The following LINGO2 variants were observed in gnomAD, a reference collection of about 807,000 sequenced individuals.
LINGO2 encodes the protein leucine rich repeat and Ig domain containing 2.
In LINGO2, 14 loss-of-function variants were observed where a neutral mutation model predicts 30.6. The ratio of observed to expected loss-of-function variants is 0.46; its 90% CI spans 0.30 to 0.72. The LOEUF is 0.72. Ranked by LOEUF, LINGO2 falls within the 30% of genes least tolerant of loss-of-function variation. LINGO2 has a pLI of 0.07. For synonymous variants in LINGO2, 317 were observed against 288.5 expected (o/e 1.10, Z -1.00); for missense variants, 729 against 751.7 (o/e 0.97, Z 0.35).
chr9:28,742,581 C>T, the LINGO2 span, among the ~76,000 whole-genome samples: 1 of 151,892 alleles, frequency 6.6e-6, no homozygotes, highest in Non-Finnish European at 1.5e-5. Flanking sequence ...CTTCTTTGCA[C>T]TATCTCTCTT....
intron 3 of LINGO2, among the ~76,000 whole-genome samples, chr9:28,320,583 T>C (rs1194291459): frequency 1.3e-5 from 2 of 152,146 alleles, no homozygotes; most frequent in East Asian, 3.9e-4. Context: ...TTAGGCAATA[T>C]GTTCTAGGGA....
At chr9:28,220,429 G>A (rs140860703) in intron 4 of LINGO2, among the ~76,000 whole-genome samples, 1 of 152,086 alleles carries the variant, frequency 6.6e-6, no homozygotes, top group East Asian at 1.9e-4. Context: ...TGGGTACCAG[G>A]AGCACACAGT....
At chr9:28,423,581 G>T (rs1273131463) in intron 2 of LINGO2, among the ~76,000 whole-genome samples, 2 of 152,028 alleles carry the variant, frequency 1.3e-5, no homozygotes, top group Non-Finnish European at 2.9e-5. Flanking sequence ...AATTTCCAGG[G>T]TGATTAGTGG....
rs375041571 is a variant in LINGO2 at position 28,449,032 on chromosome 9, C to CAT, written c.-279+26907_-279+26908insAT. On this transcript the variant is annotated intron_variant, in intron 2 of 5. Transcript: ENST00000379992. Reference sequence around the variant, plus strand: ...TCCATTCTGCCTATGTATTCACATTCGTGTGTGTGTGTGTGTGTGTGTGTG... The same window carrying CAT: ...TCCATTCTGCCTATGTATTCACATTCATGTGTGTGTGTGTGTGTGTGTGTGTG... 1.1e-3 allele frequency among the ~76,000 whole-genome samples: 156 copies of CAT among 137,994 alleles called. 1 individual carries two copies. Among genetic ancestry groups the CAT allele is most frequent in the African/African-American group, 3.9e-3 (149 of 37,824 alleles). The allele number at this position is 137,994 out of a possible 152,430, so 90.5% of individuals were successfully genotyped here.
chr9:28,935,692 A>G, the LINGO2 span, among the ~76,000 whole-genome samples: 1 of 90,256 alleles, frequency 1.1e-5, no homozygotes, highest in African/African-American at 3.8e-5. Flanking sequence ...ATTAAATATA[A>G]TGTTCTTTTT....
intron 1 of LINGO2, among the ~76,000 whole-genome samples, chr9:28,500,106 C>A (rs10968623): frequency 6.6e-6 from 1 of 152,008 alleles, no homozygotes; most frequent in Non-Finnish European, 1.5e-5. Flanking sequence ...TTGGCTGATG[C>A]TGAATCTTTT....
rs1824977865 is a variant in LINGO2 at position 28,319,905 on chromosome 9, GTATTAAT to G, written c.-245-24546_-245-24540del. The stretch of plus-strand genomic sequence containing the variant: ...TTGAAAACAAACAGAAAAGAAAAAG[GTATTAAT>G]GCTTCACTGAGTCACCATGAATCTT... On this transcript the variant is annotated intron_variant, in intron 3 of 5. Coordinates refer to ENST00000379992, the Ensembl canonical transcript of LINGO2. Among the ~76,000 whole-genome samples the G allele has an allele frequency of 1.3e-5, 2 of 152,048 alleles. 1 individual carries two copies.
intron 3 of LINGO2, among the ~76,000 whole-genome samples, chr9:28,354,627 C>A (rs1820086123): frequency 6.6e-6 from 1 of 152,110 alleles, no homozygotes; most frequent in Non-Finnish European, 1.5e-5. Flanking sequence ...ATTTTTGTTA[C>A]TTTAACTATC....
intron 1 of LINGO2, among the ~76,000 whole-genome samples, chr9:28,583,463 T>A (rs1824367134): frequency 6.6e-6 from 1 of 152,008 alleles, no homozygotes; most frequent in Admixed American, 6.6e-5. Context: ...CATTTCCCTT[T>A]GATTGTGTAA....
the LINGO2 span, among the ~76,000 whole-genome samples, chr9:28,830,373 G>C: frequency 6.6e-6 from 1 of 152,106 alleles, no homozygotes; most frequent in Non-Finnish European, 1.5e-5. Context: ...AAAATTGATT[G>C]TCCACAGATT....
At chr9:29,029,748 G>A in the LINGO2 span, among the ~76,000 whole-genome samples, 1 of 152,112 alleles carries the variant, frequency 6.6e-6, no homozygotes, top group South Asian at 2.1e-4. Flanking sequence ...AAACCAGCAA[G>A]TGGATTGGGG....
rs796925166 is a variant in LINGO2, at chr9:28,073,403, ATTAATAG to A, written c.-86-61005_-86-60999del. Among the ~76,000 whole-genome samples, 107 of 152,252 alleles carry A rather than the reference ATTAATAG, an allele frequency of 7.0e-4. 1 individual carries two copies. The highest frequency in any genetic ancestry group is 2.5e-3 in the African/African-American group (102 of 41,564). On this transcript the variant is annotated intron_variant, in intron 4 of 5. Coordinates refer to ENST00000379992, the Ensembl canonical transcript of LINGO2. ...ATAAACTGTGAAGTCCCTTGTATAT[ATTAATAG>A]TTAAAACAAAAACAAAACAAAACTC...
At chr9:28,452,050 C>T (rs149089272) in intron 2 of LINGO2, among the ~76,000 whole-genome samples, 31 of 151,802 alleles carry the variant, frequency 2.0e-4, no homozygotes, top group African/African-American at 6.7e-4. Context: ...ATTTTATTTA[C>T]ATGTTTTACT....
chr9:28,315,012 A>C (rs1294769432), intron 3 of LINGO2, among the ~76,000 whole-genome samples: 2 of 148,360 alleles, frequency 1.3e-5, no homozygotes, highest in South Asian at 2.1e-4. Flanking sequence ...TACGTCTCAA[A>C]AAAAAAAAAA....
At chr9:28,135,015 C>T (rs200717225) in intron 4 of LINGO2, among the ~76,000 whole-genome samples, 10 of 152,294 alleles carry the variant, frequency 6.6e-5, no homozygotes, top group African/African-American at 2.4e-4. Flanking sequence ...CACCAGGAAC[C>T]TCTTTCAAAT....
At chr9:28,848,428 T>C in the LINGO2 span, among the ~76,000 whole-genome samples, 4 of 123,420 alleles carry the variant, frequency 3.2e-5, no homozygotes, top group South Asian at 2.6e-4. Flanking sequence ...TATATATATA[T>C]ACTGTATATA....
chr9:28,990,217 C>T, the LINGO2 span, among the ~76,000 whole-genome samples: 7 of 152,178 alleles, frequency 4.6e-5, no homozygotes, highest in African/African-American at 1.4e-4. Context: ...GCATCCGGCT[C>T]GGAGGGTCCT....
At chr9:28,011,052 CAT>C (rs1173091868) in intron 5 of LINGO2, among the ~76,000 whole-genome samples, 2 of 152,216 alleles carry the variant, frequency 1.3e-5, no homozygotes, top group East Asian at 3.9e-4. Context: ...GGTACAATAA[CAT>C]ATGGAACAAA....
chr9:28,355,313 C>G lies in LINGO2; in HGVS notation c.-246+17523G>C, dbSNP rs368466625. Among the ~76,000 whole-genome samples, 502 of 140,862 alleles carry G rather than the reference C, an allele frequency of 3.6e-3. 6 individuals are homozygous for G. The highest frequency in any genetic ancestry group is 5.9e-3 in the Non-Finnish European group (380 of 63,960). 92.4% of individuals were successfully genotyped at this position (140,862 alleles called of 152,430 possible). On this transcript the variant is annotated intron_variant, in intron 3 of 5. Coordinates refer to ENST00000379992, the Ensembl canonical transcript of LINGO2. Reference sequence around the variant, plus strand: ...TCTCTCTCTATGTCTCTCTCTCTCTCTCTCTCTCTCTCTGTCTCTGTCTCT... The same window carrying G: ...TCTCTCTCTATGTCTCTCTCTCTCTGTCTCTCTCTCTCTGTCTCTGTCTCT...
Sources: allele counts gnomAD v4.1 joint callset (sites outside exome capture counted in the v4.1 genomes callset), GRCh38; gene constraint gnomAD v4.1.1; transcripts MANE v1.5; gene names NCBI Gene and HGNC (gene_info 2026-07-23, HGNC 2026-07-21).